The following DNAAF11 variants were observed in gnomAD, a reference collection of about 807,000 sequenced individuals.
DNAAF11 encodes the protein dynein axonemal assembly factor 11.
Under a neutral mutation model 60.8 loss-of-function variants are expected in DNAAF11, and 45 were observed. The ratio of observed to expected loss-of-function variants is 0.74; its 90% CI spans 0.58 to 0.95. DNAAF11 has a LOEUF of 0.95. Among genes scored for constraint, DNAAF11 ranks in the 40% least tolerant of loss-of-function variants. DNAAF11 has a pLI of 0.00. For synonymous variants in DNAAF11, 191 were observed against 183.5 expected, an observed-to-expected ratio of 1.04 and a Z score of -0.33; for missense variants, 546 against 546.2, an observed-to-expected ratio of 1.00 and a Z score of 0.00.
chr8:132,630,217 C>T (rs1206583938), intron 5 of DNAAF11, among the ~76,000 whole-genome samples: 1 of 152,096 alleles, frequency 6.6e-6, no homozygotes, highest in African/African-American at 2.4e-5. Flanking sequence ...ATATCTCCTA[C>T]CAAATATCAA....
chr8:132,613,359 G>A (rs1232530128), intron 8 of DNAAF11, among the ~76,000 whole-genome samples: 1 of 152,212 alleles, frequency 6.6e-6, no homozygotes, highest in African/African-American at 2.4e-5. Context: ...TAAAAAGGAA[G>A]GAAATTCTGA....
At chr8:132,613,972 T>C (rs372864272) in intron 8 of DNAAF11, among the ~76,000 whole-genome samples, 41 of 152,268 alleles carry the variant, frequency 2.7e-4, no homozygotes, top group African/African-American at 8.7e-4. Context: ...TATTTGTTCA[T>C]TCATTCATTC....
chr8:132,614,360 A>G (rs1195382190), intron 8 of DNAAF11, among the ~76,000 whole-genome samples: 1 of 152,216 alleles, frequency 6.6e-6, no homozygotes, highest in Non-Finnish European at 1.5e-5. Context: ...AGAAGGATGT[A>G]TCGGCACAGT....
chr8:132,689,246 A>T, the DNAAF11 span, among the ~76,000 whole-genome samples: 1 of 152,134 alleles, frequency 6.6e-6, no homozygotes, highest in Non-Finnish European at 1.5e-5. Flanking sequence ...ACATTAGAGT[A>T]TTTCTATTGA....
chr8:132,610,133 A>G, intron 10 of DNAAF11, 33 bp downstream of exon 10: 1 of 1,499,354 alleles, frequency 6.7e-7, no homozygotes, highest in Non-Finnish European at 9.3e-7. Flanking sequence ...CCTCATATCC[A>G]GACTTGAAAT....
intron 3 of DNAAF11, among the ~76,000 whole-genome samples, chr8:132,652,863 C>T (rs150591981): frequency 7.3e-4 from 111 of 152,024 alleles, no homozygotes; most frequent in African/African-American, 2.2e-3. Flanking sequence ...ATGGGTGCAG[C>T]AAACCACCAT....
At chr8:132,629,392 G>A (rs996412987) in intron 5 of DNAAF11, among the ~76,000 whole-genome samples, 1 of 149,070 alleles carries the variant, frequency 6.7e-6, no homozygotes, top group Admixed American at 6.7e-5. Flanking sequence ...CTGTTGCCCA[G>A]GCTGGAGTGC....
chr8:132,615,258 A>C (rs544058059), intron 7 of DNAAF11, among the ~76,000 whole-genome samples, 161 bp from the exon 8 acceptor site: 10 of 152,240 alleles, frequency 6.6e-5, no homozygotes, highest in Admixed American at 3.3e-4. Flanking sequence ...GGTAATTTTA[A>C]CATTTCAGCA....
rs1011228979 is a variant in DNAAF11, at chr8:132,583,866, C to G, written c.1141-87G>C. On this transcript the variant is annotated intron_variant, in intron 10 of 11. Coordinates refer to ENST00000620350, the MANE Select transcript of DNAAF11 (RefSeq NM_012472.6). The stretch of plus-strand genomic sequence containing the variant: ...ATACATATATGTATTTTAAAAGATA[C>G]TAAAACATTTTAATTTTTTCTCTAC... 5 of 895,764 alleles carry G rather than the reference C, an allele frequency of 5.6e-6. No individual in the cohort carries two copies. In the South Asian group the frequency reaches 7.3e-5, roughly 13 times the overall value. 55.5% of individuals were successfully genotyped at this position (895,764 alleles called of 1,614,324 possible).
At chr8:132,585,813 T>G in intron 10 of DNAAF11, among the ~76,000 whole-genome samples, 1 of 152,338 alleles carries the variant, frequency 6.6e-6, no homozygotes, top group African/African-American at 2.4e-5. Flanking sequence ...GTAATTTTAT[T>G]GCTTTCCATT....
intron 1 of DNAAF11, among the ~76,000 whole-genome samples, chr8:132,672,542 A>T (rs1825285687): frequency 6.6e-6 from 1 of 152,158 alleles, no homozygotes; most frequent in Non-Finnish European, 1.5e-5. Flanking sequence ...TATACCACTT[A>T]CTGTGTGGCA....
chr8:132,655,665 A>G (rs887441159), intron 3 of DNAAF11, among the ~76,000 whole-genome samples: 1 of 152,226 alleles, frequency 6.6e-6, no homozygotes, highest in Non-Finnish European at 1.5e-5. Context: ...ACCTTTGAAT[A>G]AACATTTTTC....
intron 10 of DNAAF11, among the ~76,000 whole-genome samples, chr8:132,584,584 T>G (rs753451367): frequency 1.1e-4 from 17 of 152,194 alleles, no homozygotes; most frequent in Non-Finnish European, 2.5e-4. Context: ...CTTCTCATGT[T>G]GCCTGGGTCT....
chr8:132,651,276 G>GA (rs1297496623), intron 3 of DNAAF11, among the ~76,000 whole-genome samples: 48 of 137,062 alleles, frequency 3.5e-4, no homozygotes, highest in East Asian at 1.2e-3. Context: ...AGGAGAAAAA[G>GA]AAAAAAAAAA....
At chr8:132,612,079 C>T (rs574487563) in intron 8 of DNAAF11, among the ~76,000 whole-genome samples, 48 of 152,310 alleles carry the variant, frequency 3.2e-4, no homozygotes, top group African/African-American at 1.0e-3. Context: ...ACAAGGGTTA[C>T]AGGCATAGGT....
intron 10 of DNAAF11, among the ~76,000 whole-genome samples, chr8:132,598,200 T>C (rs182339195): frequency 2.0e-5 from 3 of 152,208 alleles, no homozygotes; most frequent in African/African-American, 7.2e-5. Context: ...GCTATGTCTT[T>C]GTCGTTATTA....
rs1209585423 is a variant in DNAAF11, at chr8:132,675,532, G to A, written c.-39C>T. Reference sequence around the variant, plus strand: ...TTCGCTGACCCCGCAAGCCGGACCCGGACCTCGAATGACGCTTTTCACCCT... The same window carrying A: ...TTCGCTGACCCCGCAAGCCGGACCCAGACCTCGAATGACGCTTTTCACCCT... On this transcript the variant is annotated 5_prime_UTR_variant, in exon 1 of 12. Coordinates refer to ENST00000620350, the MANE Select transcript of DNAAF11 (RefSeq NM_012472.6). 1 of 1,554,636 alleles carries A rather than the reference G, an allele frequency of 6.4e-7. No individual in the cohort carries two copies. Among genetic ancestry groups the A allele is most frequent in the Non-Finnish European group, 8.7e-7 (1 of 1,145,646 alleles).
At chr8:132,656,153 A>T (rs1823547138) in intron 3 of DNAAF11, among the ~76,000 whole-genome samples, 1 of 152,200 alleles carries the variant, frequency 6.6e-6, no homozygotes, top group South Asian at 2.1e-4. Flanking sequence ...TGATTCCGGT[A>T]CGTAGCCCCA....
At position 132,661,545 on chromosome 8, in the gene DNAAF11, T is replaced by C; in HGVS notation, c.93A>G (p.Gln31=). ...FSLEELSLHQ[Q]EIERLEHIDK... is the part of the protein sequence containing the mutation. ...CAATGTGTTCTAGTCTTTCTATTTC[T>C]TGCTGATGCAACGAGAGTTCCTCCA... The change falls in exon 2 of 12, where the codon CAA becomes CAG. Residue 31 remains glutamine, a synonymous_variant. Coordinates refer to ENST00000620350, the MANE Select transcript of DNAAF11 (RefSeq NM_012472.6). 6.2e-7 allele frequency: 1 copy of C among 1,614,024 alleles called. No homozygotes were observed. Among genetic ancestry groups the C allele is most frequent in the Non-Finnish European group, 8.5e-7 (1 of 1,179,876 alleles).
Sources: allele counts gnomAD v4.1 joint callset (sites outside exome capture counted in the v4.1 genomes callset), GRCh38; gene constraint gnomAD v4.1.1; transcripts MANE v1.5; gene names NCBI Gene and HGNC (gene_info 2026-07-23, HGNC 2026-07-21).